LRRC4C: variants seen among roughly 807,000 people sequenced by gnomAD.
LRRC4C encodes leucine-rich repeat-containing protein 4C.
A neutral mutation model predicts 33.6 loss-of-function variants in LRRC4C; 5 were observed. The ratio of observed to expected loss-of-function variants is 0.15; its 90% CI spans 0.08 to 0.31. The LOEUF is 0.31. LRRC4C is among the 10% of genes least tolerant of loss of function. LRRC4C has a pLI of 1.00. For synonymous variants in LRRC4C, 329 were observed against 302.0 expected (o/e 1.09, Z -0.93); for missense variants, 560 against 796.7 (o/e 0.70, Z 3.58).
At chr11:40,793,186 G>T (rs987517696) in intron 2 of LRRC4C, among the ~76,000 whole-genome samples, 2 of 151,890 alleles carry the variant, frequency 1.3e-5, no homozygotes, top group East Asian at 3.9e-4. Context: ...AAATTTGCAA[G>T]AGTCAATGAA....
intron 5 of LRRC4C, among the ~76,000 whole-genome samples, chr11:40,167,731 T>TGTG (rs899829042): frequency 5.3e-5 from 8 of 152,164 alleles, no homozygotes; most frequent in African/African-American, 1.9e-4. Context: ...GGAAGTCTCT[T>TGTG]GTGGTAGGGC....
In LRRC4C at chr11:40,648,243, A is replaced by G. The variant is rs1254698575; in HGVS notation, c.-371T>C. 1 of 152,196 alleles carries G rather than the reference A, an allele frequency of 6.6e-6. No individual in the cohort carries two copies. Among genetic ancestry groups the G allele is most frequent in the Non-Finnish European group, 1.5e-5 (1 of 68,042 alleles). 9.4% of individuals were successfully genotyped at this position (152,196 alleles called of 1,614,324 possible). On this transcript the variant is annotated 5_prime_UTR_variant, in exon 3 of 7. Transcript: ENST00000528697. ...AGTCTCAGGATGTTTCCATATTGTT[A>G]ATCCGCATAAGTTATTCTTGCTTTT... is the stretch of plus-strand genomic sequence containing the variant.
At position 40,822,527 on chromosome 11, in the gene LRRC4C, T is replaced by C. The variant is rs571515443; in HGVS notation, c.-407+111108A>G. On this transcript the variant is annotated intron_variant, in intron 2 of 6. Transcript: ENST00000528697. ...GTTTTCTTTCTTTTAGGATTATTTG[T>C]TTTTTAGCTATTGAGTTGTTTGAGT... is the stretch of plus-strand genomic sequence containing the variant. Among the ~76,000 whole-genome samples, 6 of 151,842 alleles carry C rather than the reference T, an allele frequency of 4.0e-5. No individual in the cohort carries two copies. The South Asian group carries it at 1.2e-3, about 31-fold the overall frequency.
At chr11:40,294,551 G>C (rs574349404) in intron 4 of LRRC4C, among the ~76,000 whole-genome samples, 119 of 152,186 alleles carry the variant, frequency 7.8e-4, no homozygotes, top group Middle Eastern at 3.4e-3. Flanking sequence ...TTGCTTAGCC[G>C]GGCGCGGTGT....
intron 2 of LRRC4C, among the ~76,000 whole-genome samples, chr11:40,691,592 A>C (rs1591476614): frequency 6.6e-6 from 1 of 152,112 alleles, no homozygotes; most frequent in African/African-American, 2.4e-5. Context: ...GTATATAATG[A>C]GGTTAATCAC....
chr11:40,963,110 T>C (rs1385530662), intron 1 of LRRC4C, among the ~76,000 whole-genome samples: 1 of 151,692 alleles, frequency 6.6e-6, no homozygotes, highest in Non-Finnish European at 1.5e-5. Context: ...TTGCAGTCTT[T>C]GGACTTAAAG....
intron 1 of LRRC4C, among the ~76,000 whole-genome samples, chr11:41,302,637 A>G (rs374902471): frequency 1.3e-5 from 2 of 152,206 alleles, no homozygotes; most frequent in African/African-American, 2.4e-5. Context: ...GTCAGATTAA[A>G]TTTCATATTG....
Position 40,288,875 on chromosome 11 carries a change from A to G in LRRC4C, c.-176+30753T>C, listed in dbSNP as rs1390191938. Among the ~76,000 whole-genome samples the G allele has an allele frequency of 2.0e-5, 3 of 152,294 alleles. No homozygotes were observed. The South Asian group carries it at 6.2e-4, about 32-fold the overall frequency. On this transcript the variant is annotated intron_variant, in intron 4 of 6. Transcript: ENST00000528697. ...CTTTATTTTGTACATCCAGGTCCAG[A>G]CTATGTAATATGTGGCTAAAATGAC...
intron 1 of LRRC4C, among the ~76,000 whole-genome samples, chr11:41,067,088 G>GT (rs1938303684): frequency 1.3e-5 from 2 of 152,136 alleles, no homozygotes; most frequent in Admixed American, 1.3e-4. Flanking sequence ...CATGTAAATG[G>GT]TTTTAACGGC....
At chr11:40,990,145 C>G (rs987690309) in intron 1 of LRRC4C, among the ~76,000 whole-genome samples, 2 of 148,724 alleles carry the variant, frequency 1.3e-5, no homozygotes, top group Non-Finnish European at 3.0e-5. Flanking sequence ...AAATCACACA[C>G]CTAACTTCCT....
chr11:40,353,986 T>C (rs1947538152), intron 3 of LRRC4C, among the ~76,000 whole-genome samples: 1 of 152,188 alleles, frequency 6.6e-6, no homozygotes, highest in East Asian at 1.9e-4. Flanking sequence ...TCTACCCATC[T>C]GTCTTAGAAA....
At chr11:41,426,116 C>T (rs1469213919) in intron 1 of LRRC4C, 2 of 152,148 alleles carry the variant, frequency 1.3e-5, no homozygotes, top group African/African-American at 4.8e-5. Flanking sequence ...TCTGGATGGT[C>T]CCTTCAGGAC....
At chr11:41,084,424 A>G (rs930528715) in intron 1 of LRRC4C, among the ~76,000 whole-genome samples, 2 of 152,122 alleles carry the variant, frequency 1.3e-5, no homozygotes, top group African/African-American at 4.8e-5. Flanking sequence ...TTAATATTAA[A>G]AAGTTTTAAC....
chr11:40,849,095 A>G (rs1953349803), intron 2 of LRRC4C, among the ~76,000 whole-genome samples: 2 of 151,950 alleles, frequency 1.3e-5, no homozygotes, highest in Admixed American at 6.6e-5. Flanking sequence ...TGACTATCCA[A>G]TTTGCCAGTC....
At chr11:40,342,143 T>A (rs1946897395) in intron 3 of LRRC4C, among the ~76,000 whole-genome samples, 1 of 152,204 alleles carries the variant, frequency 6.6e-6, no homozygotes, top group South Asian at 2.1e-4. Context: ...TGTATAAATT[T>A]AGAGCAATTT....
intron 3 of LRRC4C, among the ~76,000 whole-genome samples, chr11:40,611,355 T>G (rs996222249): frequency 6.6e-6 from 1 of 151,838 alleles, no homozygotes; most frequent in Non-Finnish European, 1.5e-5. Context: ...ACACCATACA[T>G]AAAAATTAAC....
chr11:40,883,288 C>T (rs998595552), intron 2 of LRRC4C, among the ~76,000 whole-genome samples: 2 of 152,044 alleles, frequency 1.3e-5, no homozygotes, highest in Non-Finnish European at 2.9e-5. Context: ...GAGTCAATGC[C>T]TGCCCCCCTA....
chr11:40,135,593 C>T (rs1856916016), intron 6 of LRRC4C, among the ~76,000 whole-genome samples: 1 of 152,184 alleles, frequency 6.6e-6, no homozygotes, highest in African/African-American at 2.4e-5. Flanking sequence ...GAAGCCTGTG[C>T]ATGCTCCTAT....
At chr11:40,337,200 A>G (rs1463446729) in intron 3 of LRRC4C, among the ~76,000 whole-genome samples, 3 of 152,162 alleles carry the variant, frequency 2.0e-5, no homozygotes, top group African/African-American at 7.2e-5. Context: ...CAGCTTCATG[A>G]GAAAATCAGC....
Sources: allele counts gnomAD v4.1 joint callset (sites outside exome capture counted in the v4.1 genomes callset), GRCh38; gene constraint gnomAD v4.1.1; transcripts MANE v1.5; gene names NCBI Gene and HGNC (gene_info 2026-07-23, HGNC 2026-07-21).